The following MAN1A1 variants were observed in gnomAD, a reference collection of about 807,000 sequenced individuals.
The protein encoded by MAN1A1 is mannosyl-oligosaccharide 1,2-alpha-mannosidase IA.
Under a neutral mutation model 70.8 loss-of-function variants are expected in MAN1A1, and 29 were observed. The observed-to-expected ratio is 0.41, with a 90% confidence interval of 0.31 to 0.56. The LOEUF (loss-of-function observed/expected upper bound fraction) is 0.56, where lower values mean the gene tolerates loss of function less well. MAN1A1 is among the 20% of genes least tolerant of loss of function. The pLI, the probability that MAN1A1 is intolerant of heterozygous loss-of-function variation, is 0.29. For missense variants in MAN1A1, 747 were observed against 841.3 expected (o/e 0.89, Z 1.39); for synonymous variants, 349 against 330.1 (o/e 1.06, Z -0.62).
chr6:119,331,584 T>TATATATATACAC (rs1385682995), intron 2 of MAN1A1, among the ~76,000 whole-genome samples: 33 of 145,716 alleles, frequency 2.3e-4, no homozygotes, highest in African/African-American at 8.1e-4. Context: ...TATATATATA[T>TATATATATACAC]ATATATATAT....
intron 7 of MAN1A1, among the ~76,000 whole-genome samples, chr6:119,202,851 T>C (rs764575328): frequency 1.3e-5 from 2 of 152,232 alleles, no homozygotes; most frequent in Non-Finnish European, 2.9e-5. Flanking sequence ...TTGAACTGCA[T>C]ACCCCTAATT....
chr6:119,221,294 T>C (rs1044199283), intron 6 of MAN1A1, among the ~76,000 whole-genome samples: 5 of 152,148 alleles, frequency 3.3e-5, no homozygotes, highest in African/African-American at 1.2e-4. Context: ...ATCCACACTT[T>C]TCCTATTCCC....
chr6:119,274,493 T>A (rs529054202), intron 5 of MAN1A1, among the ~76,000 whole-genome samples: 1 of 152,356 alleles, frequency 6.6e-6, no homozygotes, highest in Admixed American at 6.5e-5. Flanking sequence ...AATATTTTAG[T>A]TTCATCTGAA....
At position 119,285,311 on chromosome 6, in the gene MAN1A1, T is replaced by C. The variant is rs147250839; in HGVS notation, c.897+5372A>G. 1.1e-4 allele frequency among the ~76,000 whole-genome samples: 17 copies of C among 151,978 alleles called. No individual in the cohort carries two copies. The East Asian group carries it at 2.1e-3, about 19-fold the overall frequency. ...TTTAACAACCAGACCTTGCTGTAAC[T>C]AATAGAGTGAGAACTCACTCATTAC... On this transcript the variant is annotated intron_variant, in intron 5 of 12. Transcript: ENST00000368468.
intron 2 of MAN1A1, among the ~76,000 whole-genome samples, chr6:119,321,412 T>G (rs1043196803): frequency 3.3e-5 from 5 of 152,176 alleles, no homozygotes; most frequent in African/African-American, 9.7e-5. Flanking sequence ...AAAATATCCT[T>G]GTGTAAAATG....
intron 11 of MAN1A1, among the ~76,000 whole-genome samples, chr6:119,186,925 C>A (rs1773307579): frequency 1.3e-5 from 2 of 152,176 alleles, no homozygotes; most frequent in African/African-American, 2.4e-5. Context: ...AAAATTGAGA[C>A]CTCAGTGTTG....
At chr6:119,212,777 AT>A (rs900666059) in intron 6 of MAN1A1, among the ~76,000 whole-genome samples, 1 of 152,206 alleles carries the variant, frequency 6.6e-6, no homozygotes, top group African/African-American at 2.4e-5. Flanking sequence ...AAACACACTG[AT>A]ATCTTATTAC....
chr6:119,189,560 C>T, intron 10 of MAN1A1, 104 bp downstream of exon 10: 2 of 985,554 alleles, frequency 2.0e-6, no homozygotes, highest in Non-Finnish European at 3.2e-6. Flanking sequence ...GATCATCAAG[C>T]TTCATAGGCA....
intron 8 of MAN1A1, among the ~76,000 whole-genome samples, chr6:119,194,323 A>G (rs1473965132): frequency 1.3e-5 from 2 of 152,152 alleles, no homozygotes; most frequent in Non-Finnish European, 2.9e-5. Flanking sequence ...GAAGCTCCTC[A>G]GGTTCTTGCC....
At chr6:119,301,883 T>C (rs542594687) in intron 4 of MAN1A1, 105 bp downstream of exon 4, 2 of 625,134 alleles carry the variant, frequency 3.2e-6, no homozygotes, top group African/African-American at 3.7e-5. Context: ...AAAGTTGCAA[T>C]ATTTTTGTTA....
At chr6:119,306,378 G>C (rs949736042) in intron 3 of MAN1A1, among the ~76,000 whole-genome samples, 11 of 152,146 alleles carry the variant, frequency 7.2e-5, no homozygotes, top group Non-Finnish European at 1.5e-4. Context: ...ATGCAATAAA[G>C]CTTGCAAAAG....
upstream of MAN1A1, chr6:119,350,530 A>T (rs1027841653): frequency 3.0e-6 from 3 of 985,258 alleles, no homozygotes; most frequent in African/African-American, 5.2e-5. Context: ...CATTTACCTC[A>T]TAGAAGTTGG....
At chr6:119,259,409 A>G (rs1775546065) in intron 5 of MAN1A1, among the ~76,000 whole-genome samples, 1 of 152,194 alleles carries the variant, frequency 6.6e-6, no homozygotes, top group South Asian at 2.1e-4. Context: ...ATAGTTTGCA[A>G]ATTTACAAAG....
At chr6:119,300,770 T>C (rs1006043800) in intron 4 of MAN1A1, among the ~76,000 whole-genome samples, 2 of 152,184 alleles carry the variant, frequency 1.3e-5, no homozygotes, top group Admixed American at 6.5e-5. Flanking sequence ...TCCCTTAATA[T>C]TGATCGGAAT....
chr6:119,302,757 C>T (rs958083263), intron 3 of MAN1A1, among the ~76,000 whole-genome samples: 3 of 152,162 alleles, frequency 2.0e-5, no homozygotes, highest in Non-Finnish European at 2.9e-5. Flanking sequence ...GATGTAATTA[C>T]ATCAAAGTGC....
At chr6:119,185,304 G>A (rs577688803) in intron 11 of MAN1A1, among the ~76,000 whole-genome samples, 1 of 152,304 alleles carries the variant, frequency 6.6e-6, no homozygotes, top group East Asian at 1.9e-4. Flanking sequence ...ACCCACAAAA[G>A]AACTCTCTAG....
chr6:119,225,629 T>G (rs1309608198), intron 6 of MAN1A1, among the ~76,000 whole-genome samples: 1 of 152,036 alleles, frequency 6.6e-6, no homozygotes, highest in African/African-American at 2.4e-5. Context: ...GAGAAAATCT[T>G]GAAAGTACCC....
intron 5 of MAN1A1, among the ~76,000 whole-genome samples, chr6:119,280,311 G>C (rs1776196579): frequency 6.6e-6 from 1 of 152,196 alleles, no homozygotes; most frequent in Middle Eastern, 3.2e-3. Flanking sequence ...CTGCTACTTT[G>C]CATGTCCTTG....
rs759991204 is a variant in MAN1A1, at chr6:119,254,274, C to T, written c.898-5920G>A. Among the ~76,000 whole-genome samples the T allele has an allele frequency of 6.6e-5, 10 of 152,164 alleles. No homozygotes were observed. The East Asian group carries it at 1.2e-3, about 18-fold the overall frequency. On this transcript the variant is annotated intron_variant, in intron 5 of 12. Coordinates refer to ENST00000368468, the MANE Select transcript of MAN1A1 (RefSeq NM_005907.4). The stretch of plus-strand genomic sequence containing the variant: ...GGGATAGGCATGATGGAGAGAGCCC[C>T]GGACCCAGGTCCTTGGACTGGCTGT...
Sources: allele counts gnomAD v4.1 joint callset (sites outside exome capture counted in the v4.1 genomes callset), GRCh38; gene constraint gnomAD v4.1.1; transcripts MANE v1.5; gene names NCBI Gene and HGNC (gene_info 2026-07-23, HGNC 2026-07-21).